SYNE2: variants seen among roughly 807,000 people sequenced by gnomAD.
SYNE2 encodes spectrin repeat containing nuclear envelope protein 2, also known as nesprin-2.
In SYNE2, 431 loss-of-function variants were observed where a neutral mutation model predicts 856.3. The ratio of observed to expected loss-of-function variants is 0.50; its 90% CI spans 0.47 to 0.55. The LOEUF (loss-of-function observed/expected upper bound fraction) is 0.55. Among genes scored for constraint, SYNE2 ranks in the 20% least tolerant of loss-of-function variants. The pLI is 0.00. For missense variants in SYNE2, 8,129 were observed against 8,023.2 expected (o/e 1.01, Z -0.50); for synonymous variants, 2,923 against 2,872.3 (o/e 1.02, Z -0.56).
At chr14:63,948,772 ATG>A (rs1327891000) in intron 6 of SYNE2, among the ~76,000 whole-genome samples, 3,995 of 54,584 alleles carry the variant, frequency 0.073, 303 homozygotes, top group East Asian at 0.1. Flanking sequence ...ATATATATGT[ATG>A]TGTGTGTGTA....
Position 64,052,341 on chromosome 14 carries a change from G to T in SYNE2, c.8428G>T (p.Asp2810Tyr). Residue 2810 changes from aspartate (D) to tyrosine (Y), a missense_variant, in exon 48 of 116, where the codon GAC becomes TAC. Coordinates refer to ENST00000555002, the MANE Select transcript of SYNE2 (RefSeq NM_182914.3). ...EGSDLNNTLE[D>Y]LRNQYQMLVL... ...CAGTGATTTAAATAATACCCTAGAG[G>T]ACTTACGGAATCAATACCAAATGCT... is the stretch of plus-strand genomic sequence containing the variant. The T allele has an allele frequency of 6.2e-7, 1 of 1,614,084 alleles. No homozygotes were observed. The highest frequency in any genetic ancestry group is 8.5e-7 in the Non-Finnish European group (1 of 1,180,018).
In SYNE2 at chr14:64,052,704, A is replaced by G. The variant is rs2097236448; in HGVS notation, c.8791A>G (p.Ile2931Val). 1.9e-6 allele frequency: 3 copies of G among 1,613,916 alleles called. No individual in the cohort carries two copies. Among genetic ancestry groups the G allele is most frequent in the Non-Finnish European group, 1.7e-6 (2 of 1,179,880 alleles). ...KIRTNRIQRF[I>V]QNTCNEVEHK... Reference sequence around the variant, plus strand: ...TAGGACCAACAGAATACAAAGATTCATTCAGAATACATGTAATGAAGTGGA... The same window carrying G: ...TAGGACCAACAGAATACAAAGATTCGTTCAGAATACATGTAATGAAGTGGA... Residue 2931 changes from isoleucine (I) to valine (V), a missense_variant, in exon 48 of 116, where the codon ATT (isoleucine) becomes GTT (valine). Coordinates refer to ENST00000555002, the MANE Select transcript of SYNE2 (RefSeq NM_182914.3).
chr14:64,022,996 A>G, intron 38 of SYNE2, 133 bp downstream of exon 38: 1 of 648,458 alleles, frequency 1.5e-6, no homozygotes, highest in Admixed American at 2.7e-5. Flanking sequence ...TCGAAGGCTG[A>G]GGCTGGTGGA....
At chr14:63,879,854 A>G (rs1167898736) in intron 1 of SYNE2, among the ~76,000 whole-genome samples, 2 of 152,250 alleles carry the variant, frequency 1.3e-5, no homozygotes, top group African/African-American at 4.8e-5. Flanking sequence ...TATAGTGGGG[A>G]TACTTGGGTT....
chr14:63,811,125 A>C (rs558084425), intron 1 of SYNE2, among the ~76,000 whole-genome samples: 2 of 152,158 alleles, frequency 1.3e-5, no homozygotes, highest in South Asian at 4.2e-4. Context: ...GTGAGCCACC[A>C]TGCCTGGCCT....
chr14:64,118,400 A>T (rs1220451599), intron 66 of SYNE2, among the ~76,000 whole-genome samples: 1 of 152,238 alleles, frequency 6.6e-6, no homozygotes, highest in Non-Finnish European at 1.5e-5. Context: ...GGTTGTATCA[A>T]TAACTAAATA....
At chr14:63,770,261 C>T (rs1220424886) in intron 1 of SYNE2, among the ~76,000 whole-genome samples, 1 of 152,024 alleles carries the variant, frequency 6.6e-6, no homozygotes, top group Non-Finnish European at 1.5e-5. Context: ...TACATTAAAA[C>T]TCCAAGATCT....
intron 30 of SYNE2, among the ~76,000 whole-genome samples, chr14:64,004,907 G>A (rs537747388): frequency 6.6e-6 from 1 of 152,336 alleles, no homozygotes; most frequent in East Asian, 1.9e-4. Context: ...GAAATTCTAT[G>A]TAAGGAAGGA....
At chr14:63,766,081 A>ATTT (rs543776173) in intron 1 of SYNE2, among the ~76,000 whole-genome samples, 1 of 138,578 alleles carries the variant, frequency 7.2e-6, no homozygotes, top group Non-Finnish European at 1.6e-5. Flanking sequence ...TCTTGAGTGG[A>ATTT]TTTTTTTTTT....
intron 1 of SYNE2, among the ~76,000 whole-genome samples, chr14:63,827,987 G>A (rs1889522207): frequency 6.8e-6 from 1 of 147,564 alleles, no homozygotes; most frequent in Admixed American, 6.9e-5. Flanking sequence ...GAGCTCAAGT[G>A]TTTGAGACCA....
intron 1 of SYNE2, among the ~76,000 whole-genome samples, chr14:63,859,605 T>G (rs1274343609): frequency 6.6e-6 from 1 of 152,124 alleles, no homozygotes; most frequent in African/African-American, 2.4e-5. Context: ...GATCACGAGG[T>G]CAAGAGCTGG....
chr14:63,788,119 G>A (rs1052635354), intron 1 of SYNE2, among the ~76,000 whole-genome samples: 2 of 152,234 alleles, frequency 1.3e-5, no homozygotes, highest in Admixed American at 1.3e-4. Context: ...ACACCCAGCT[G>A]GACTGCGACA....
intron 1 of SYNE2, among the ~76,000 whole-genome samples, chr14:63,888,103 G>C (rs1482620159): frequency 6.6e-6 from 1 of 152,114 alleles, no homozygotes; most frequent in East Asian, 1.9e-4. Flanking sequence ...AGCTGGAAGG[G>C]CTTGTAGTGT....
chr14:64,166,605 T>C (rs888358893), intron 90 of SYNE2, among the ~76,000 whole-genome samples: 2 of 152,216 alleles, frequency 1.3e-5, no homozygotes, highest in African/African-American at 4.8e-5. Context: ...GGCCAGGTTA[T>C]TGGCAGACTA....
chr14:64,083,765 C>T (rs1207670720), intron 57 of SYNE2, among the ~76,000 whole-genome samples: 1 of 152,150 alleles, frequency 6.6e-6, no homozygotes, highest in Non-Finnish European at 1.5e-5. Flanking sequence ...GAACTCTCAA[C>T]TAAGCTTTAA....
chr14:64,186,668 A>C, intron 97 of SYNE2, 89 bp downstream of exon 97: 51 of 1,576,116 alleles, frequency 3.2e-5, no homozygotes, highest in Non-Finnish European at 3.8e-5. Context: ...GCTTAATTTC[A>C]TTGAACCGGA....
intron 112 of SYNE2, 26 bp from the exon 113 acceptor site, chr14:64,223,163 G>C (rs373200832): frequency 3.1e-6 from 5 of 1,612,456 alleles, no homozygotes; most frequent in African/African-American, 2.7e-5. Context: ...ACAGGTCACT[G>C]TTTCACACAC....
At chr14:64,121,729 G>A (rs1400569318) in intron 68 of SYNE2, among the ~76,000 whole-genome samples, 1 of 152,150 alleles carries the variant, frequency 6.6e-6, no homozygotes, top group East Asian at 1.9e-4. Context: ...TCTTCAGGGT[G>A]AACTTCTGTA....
chr14:64,110,671 G>C (rs17101671), intron 65 of SYNE2, among the ~76,000 whole-genome samples: 8,893 of 137,084 alleles, frequency 0.065, 571 homozygotes, highest in African/African-American at 0.18. Flanking sequence ...CTATCATATA[G>C]AGAAGGTATT....
Sources: gnomAD v4.1 joint callset for allele counts (sites outside exome capture counted in the v4.1 genomes callset) on GRCh38, gnomAD v4.1.1 for gene constraint, MANE v1.5 for transcripts, NCBI Gene and HGNC (gene_info 2026-07-23, HGNC 2026-07-21) for gene names.